The following CNTN5 variants were observed in gnomAD, a reference collection of about 807,000 sequenced individuals.
CNTN5 encodes contactin-5.
In CNTN5, 77 loss-of-function variants were observed where a neutral mutation model predicts 129.1. That is an observed-to-expected ratio of 0.60 (90% CI 0.50 to 0.72). The LOEUF (loss-of-function observed/expected upper bound fraction) is 0.72. Among genes scored for constraint, CNTN5 ranks in the 30% least tolerant of loss-of-function variants. CNTN5 has a pLI of 0.00. For missense variants in CNTN5, 1,478 were observed against 1,328.8 expected (o/e 1.11, Z -1.75); for synonymous variants, 509 against 465.6 (o/e 1.09, Z -1.20).
intron 7 of CNTN5, among the ~76,000 whole-genome samples, chr11:99,924,036 G>A (rs904108948): frequency 1.1e-4 from 16 of 152,032 alleles, no homozygotes; most frequent in African/African-American, 3.4e-4. Context: ...ATGGTCCGCC[G>A]GCTTCTGCGT....
intron 1 of CNTN5, among the ~76,000 whole-genome samples, chr11:99,323,350 A>G (rs1307451024): frequency 2.0e-5 from 3 of 152,176 alleles, no homozygotes; most frequent in Non-Finnish European, 4.4e-5. Context: ...TCCAGAGACA[A>G]AATGGAAAAG....
At chr11:99,876,479 A>G (rs563642364) in intron 6 of CNTN5, among the ~76,000 whole-genome samples, 21 of 152,192 alleles carry the variant, frequency 1.4e-4, no homozygotes, top group Non-Finnish European at 3.1e-4. Flanking sequence ...CTTCTTTCTC[A>G]TGATCCAGCC....
chr11:99,383,206 A>G (rs942620845), intron 2 of CNTN5, among the ~76,000 whole-genome samples: 1 of 152,084 alleles, frequency 6.6e-6, no homozygotes, highest in African/African-American at 2.4e-5. Context: ...TGAAGTGGCT[A>G]TCATTTTTAT....
intron 1 of CNTN5, among the ~76,000 whole-genome samples, chr11:99,210,905 T>C (rs908763695): frequency 6.6e-6 from 1 of 152,194 alleles, no homozygotes; most frequent in African/African-American, 2.4e-5. Flanking sequence ...TAGTACAACA[T>C]ATGTTTCTAG....
chr11:99,741,431 T>G (rs1943885801), intron 3 of CNTN5, among the ~76,000 whole-genome samples: 1 of 152,114 alleles, frequency 6.6e-6, no homozygotes, highest in South Asian at 2.1e-4. Context: ...TAAGATAGGC[T>G]GCTTAAGGAT....
chr11:99,456,800 A>G (rs182143638), intron 2 of CNTN5, among the ~76,000 whole-genome samples: 127 of 152,192 alleles, frequency 8.3e-4, no homozygotes, highest in African/African-American at 2.9e-3. Flanking sequence ...TAGCAATATC[A>G]CCTCTGAAGT....
Position 99,819,596 on chromosome 11 carries a change from A to G in CNTN5, c.108A>G (p.Arg36=), listed in dbSNP as rs1375916804. 1.2e-6 allele frequency: 2 copies of G among 1,612,956 alleles called. No homozygotes were observed. Among genetic ancestry groups the G allele is most frequent in the South Asian group, 2.2e-5 (2 of 91,086 alleles). ...CCACTTCATATGCTGCTTTGTTAAG[A>G]ATTAAGAAGAGTTCATCTTCATCTC... The part of the protein sequence containing the change: ...GLSTSYAALL[R]IKKSSSSSLF... Residue 36 remains arginine, a synonymous_variant, in exon 4 of 25, where the codon AGA becomes AGG. Transcript: ENST00000524871.
intron 1 of CNTN5, among the ~76,000 whole-genome samples, chr11:99,161,676 A>C (rs1860617414): frequency 6.6e-6 from 1 of 152,228 alleles, no homozygotes; most frequent in South Asian, 2.1e-4. Context: ...ATATAACCTT[A>C]ATTTTTCTAA....
At chr11:99,615,758 T>A in intron 3 of CNTN5, among the ~76,000 whole-genome samples, 1 of 101,838 alleles carries the variant, frequency 9.8e-6, no homozygotes. Context: ...ACACATCTTG[T>A]TTTTTTTTTT....
At chr11:99,881,238 T>TTG (rs1948763798) in intron 6 of CNTN5, among the ~76,000 whole-genome samples, 1 of 152,194 alleles carries the variant, frequency 6.6e-6, no homozygotes, top group Non-Finnish European at 1.5e-5. Context: ...CTACACACTC[T>TTG]TGTGAAATAC....
At chr11:100,306,395 C>T (rs1321136847) in intron 20 of CNTN5, among the ~76,000 whole-genome samples, 1 of 151,672 alleles carries the variant, frequency 6.6e-6, no homozygotes, top group Non-Finnish European at 1.5e-5. Flanking sequence ...TGCTACCCCA[C>T]CACATGTTTT....
chr11:99,024,715 C>T (rs527987092), intron 1 of CNTN5, among the ~76,000 whole-genome samples: 1 of 151,994 alleles, frequency 6.6e-6, no homozygotes, highest in East Asian at 1.9e-4. Context: ...CTCTTTTCTC[C>T]AGTGCAGGGA....
chr11:99,848,279 G>C (rs955763160), intron 6 of CNTN5, among the ~76,000 whole-genome samples: 1 of 152,038 alleles, frequency 6.6e-6, no homozygotes, highest in African/African-American at 2.4e-5. Context: ...CTGAAGACCA[G>C]GCTTGTAGGT....
chr11:99,282,640 C>T (rs1863752197), intron 1 of CNTN5, among the ~76,000 whole-genome samples: 1 of 152,006 alleles, frequency 6.6e-6, no homozygotes, highest in Non-Finnish European at 1.5e-5. Context: ...ATTAAATCCT[C>T]GAATAAATCT....
intron 10 of CNTN5, among the ~76,000 whole-genome samples, chr11:100,063,846 C>A (rs983261545): frequency 2.0e-5 from 3 of 152,058 alleles, no homozygotes; most frequent in Non-Finnish European, 4.4e-5. Flanking sequence ...ATTATAGTGC[C>A]TCTGTATTCC....
At chr11:99,264,101 T>C (rs1862770361) in intron 1 of CNTN5, among the ~76,000 whole-genome samples, 1 of 151,896 alleles carries the variant, frequency 6.6e-6, no homozygotes, top group Non-Finnish European at 1.5e-5. Flanking sequence ...ATACAGATAT[T>C]CTATAATTTT....
chr11:99,737,283 G>A (rs76264431), intron 3 of CNTN5, among the ~76,000 whole-genome samples: 2,723 of 151,976 alleles, frequency 0.018, 77 homozygotes, highest in African/African-American at 0.061. Flanking sequence ...CATATTCTTC[G>A]TATTTATTGT....
At chr11:99,953,183 G>T (rs1032259617) in intron 7 of CNTN5, among the ~76,000 whole-genome samples, 1 of 152,138 alleles carries the variant, frequency 6.6e-6, no homozygotes, top group Non-Finnish European at 1.5e-5. Context: ...TGGCACTGCA[G>T]TTAAGAGAAA....
rs142875041 is a variant in CNTN5, at chr11:99,108,343, G to A, written c.-210+87073G>A. Among the ~76,000 whole-genome samples, 191 of 152,266 alleles carry A rather than the reference G, an allele frequency of 1.3e-3. 1 individual carries two copies. The highest frequency in any genetic ancestry group is 4.3e-3 in the African/African-American group (180 of 41,556). On this transcript the variant is annotated intron_variant, in intron 1 of 24. Coordinates refer to ENST00000524871, the MANE Select transcript of CNTN5 (RefSeq NM_014361.4). Reference sequence around the variant, plus strand: ...TAAAATATGATGCCTACACAACAATGTGCTGGCTCCTCTCCTTGGTTATTT... The same window carrying A: ...TAAAATATGATGCCTACACAACAATATGCTGGCTCCTCTCCTTGGTTATTT...
Sources: gnomAD v4.1 joint callset for allele counts (sites outside exome capture counted in the v4.1 genomes callset) on GRCh38, gnomAD v4.1.1 for gene constraint, MANE v1.5 for transcripts, NCBI Gene and HGNC (gene_info 2026-07-23, HGNC 2026-07-21) for gene names.